Variants in GALNT10 observed in about 807,000 individuals in gnomAD.
GALNT10 encodes GalNAc transferase 10.
GALNT10 carries 41 observed loss-of-function variants against 75.0 expected under a neutral mutation model. The observed-to-expected ratio is 0.55, with a 90% CI of 0.43 to 0.71. The LOEUF (loss-of-function observed/expected upper bound fraction) is 0.71. Among genes scored for constraint, GALNT10 ranks in the 30% least tolerant of loss-of-function variants. GALNT10 has a pLI of 0.00. For missense variants in GALNT10, 727 were observed against 818.5 expected (o/e 0.89, Z 1.36); for synonymous variants, 302 against 313.0 (o/e 0.96, Z 0.37).
At chr5:154,397,645 G>A (rs1756074754) in intron 7 of GALNT10, among the ~76,000 whole-genome samples, 2 of 152,222 alleles carry the variant, frequency 1.3e-5, no homozygotes, top group South Asian at 4.1e-4. Flanking sequence ...AATGATTGGT[G>A]GCAATTATTA....
rs753209176 is a variant in GALNT10 at position 154,409,962 on chromosome 5, T to A, written c.1386+200T>A. ...AGTTAGTGTTCTCAGTGTAGAAAAA[T>A]TAAAACTTTAAGTTATTAGCATGAA... On this transcript the variant is annotated intron_variant, in intron 9 of 11. Coordinates refer to ENST00000297107, the MANE Select transcript of GALNT10 (RefSeq NM_198321.4). This position sits in a 1 kb window ranked among gnomAD's most constrained non-coding sequence, Gnocchi z 4.5. 6.6e-6 allele frequency among the ~76,000 whole-genome samples: 1 copy of A among 152,208 alleles called. No individual in the cohort carries two copies. The highest frequency in any genetic ancestry group is 2.1e-4 in the South Asian group (1 of 4,828).
chr5:154,364,359 G>A (rs1755443236), intron 4 of GALNT10, among the ~76,000 whole-genome samples: 1 of 152,072 alleles, frequency 6.6e-6, no homozygotes, highest in Non-Finnish European at 1.5e-5. Context: ...GAGAGGTGAG[G>A]GATTAGATAC....
In GALNT10 at chr5:154,288,211, T is replaced by C. The variant is rs995113552; in HGVS notation, c.160-6605T>C. ...TGCTGTTTGAGCGCATACAGCCCTT[T>C]CCTTGTTTTGAAGACACTAGCCAGC... On this transcript the variant is annotated intron_variant, in intron 1 of 11. Transcript: ENST00000297107. Among the ~76,000 whole-genome samples, 5 of 152,140 alleles carry C rather than the reference T, an allele frequency of 3.3e-5. No individual in the cohort carries two copies. The East Asian group carries it at 9.6e-4, about 29-fold the overall frequency.
At chr5:154,328,330 G>T (rs181955304) in intron 3 of GALNT10, among the ~76,000 whole-genome samples, 1 of 152,146 alleles carries the variant, frequency 6.6e-6, no homozygotes, top group Non-Finnish European at 1.5e-5. Context: ...TAAGCTTACC[G>T]TGGGGCTGGT....
At position 154,380,614 on chromosome 5, in the gene GALNT10, C is replaced by T. The variant is rs1184926016; in HGVS notation, c.921C>T (p.Asp307=). Residue 307 remains aspartate, a synonymous_variant, in exon 6 of 12, where the codon GAC becomes GAT. Coordinates refer to ENST00000297107, the MANE Select transcript of GALNT10 (RefSeq NM_198321.4). ...TCCCTCCAGAACTGCAGAAAGCTGA[C>T]CCCAGCGACCCATTTGAGTAAGTAT... ...IPIPPELQKA[D]PSDPFESPVM... 1 of 1,612,072 alleles carries T rather than the reference C, an allele frequency of 6.2e-7. No homozygotes were observed. Among genetic ancestry groups the T allele is most frequent in the Admixed American group, 1.7e-5 (1 of 59,920 alleles).
At position 154,237,213 on chromosome 5, in the gene GALNT10, T is replaced by G. The variant is rs185948468; in HGVS notation, c.159+46188T>G. ...ATTGTCGCCCCCTTTGGGCCTCAAT[T>G]TTTTCTCTGCTAAATGGGAGGATTT... On this transcript the variant is annotated intron_variant, in intron 1 of 11. Transcript: ENST00000297107. Among the ~76,000 whole-genome samples the G allele has an allele frequency of 3.6e-3, 554 of 152,228 alleles. 3 individuals carry two copies. Among genetic ancestry groups the G allele is most frequent in the Non-Finnish European group, 4.8e-3 (329 of 68,006 alleles).
At chr5:154,320,896 TGC>T (rs1222146577) in intron 3 of GALNT10, among the ~76,000 whole-genome samples, 1 of 152,236 alleles carries the variant, frequency 6.6e-6, no homozygotes, top group Non-Finnish European at 1.5e-5. Context: ...ATGAGCTCTC[TGC>T]CAGATGCAAC....
intron 3 of GALNT10, among the ~76,000 whole-genome samples, chr5:154,311,930 T>A (rs1754525921): frequency 6.6e-6 from 1 of 152,024 alleles, no homozygotes. Context: ...CGTTTTTAAA[T>A]CTGAATCCTC....
intron 1 of GALNT10, among the ~76,000 whole-genome samples, chr5:154,221,554 T>C (rs1192536420): frequency 6.6e-6 from 1 of 152,208 alleles, no homozygotes; most frequent in Non-Finnish European, 1.5e-5. Context: ...AATTTCACCA[T>C]TATAAGCCTG....
intron 1 of GALNT10, among the ~76,000 whole-genome samples, chr5:154,237,757 T>C (rs1007636512): frequency 7.9e-5 from 12 of 152,140 alleles, no homozygotes; most frequent in Non-Finnish European, 4.4e-5. Flanking sequence ...GGGTTATGGG[T>C]TTGGGGAGCA....
At chr5:154,210,441 C>A (rs1226079452) in intron 1 of GALNT10, among the ~76,000 whole-genome samples, 3 of 152,036 alleles carry the variant, frequency 2.0e-5, no homozygotes, top group Non-Finnish European at 4.4e-5. Flanking sequence ...TCTGCCTCAC[C>A]CTTCTAATGG....
chr5:154,396,851 G>T (rs1480966024), intron 7 of GALNT10, among the ~76,000 whole-genome samples: 2 of 152,250 alleles, frequency 1.3e-5, no homozygotes, highest in Middle Eastern at 3.4e-3. Context: ...ACTAGGCTGG[G>T]CGCGGTGGCT....
At chr5:154,241,222 G>C (rs533003004) in intron 1 of GALNT10, among the ~76,000 whole-genome samples, 5 of 152,310 alleles carry the variant, frequency 3.3e-5, no homozygotes, top group African/African-American at 1.2e-4. Context: ...TTCCTAAGGA[G>C]TATGGGTTTG....
intron 4 of GALNT10, among the ~76,000 whole-genome samples, chr5:154,330,290 G>A (rs1192772868): frequency 6.6e-6 from 1 of 152,230 alleles, no homozygotes; most frequent in Non-Finnish European, 1.5e-5. Flanking sequence ...CCAGATCTCT[G>A]ACATCTGGGC....
chr5:154,322,138 G>T (rs1051437691), intron 3 of GALNT10, among the ~76,000 whole-genome samples: 3 of 152,122 alleles, frequency 2.0e-5, no homozygotes, highest in African/African-American at 7.2e-5. Flanking sequence ...TACATCATGC[G>T]TGGGTCTCAC....
rs1367924604 is a variant in GALNT10, at chr5:154,352,525, G to A, written c.568+22787G>A. On this transcript the variant is annotated intron_variant, in intron 4 of 11. Transcript: ENST00000297107. The surrounding 1 kb of genome is among the most constrained non-coding windows in gnomAD (Gnocchi z 4.4). ...CATGAAAACCCTGCAGCTGGGAGAG[G>A]TTAAGTAATTGGCCCAAGATCGCAC... 6.6e-6 allele frequency among the ~76,000 whole-genome samples: 1 copy of A among 152,178 alleles called. No homozygotes were observed. The highest frequency in any genetic ancestry group is 2.4e-5 in the African/African-American group (1 of 41,450).
intron 1 of GALNT10, among the ~76,000 whole-genome samples, chr5:154,268,651 G>C (rs1232337646): frequency 6.6e-6 from 1 of 152,184 alleles, no homozygotes; most frequent in African/African-American, 2.4e-5. Flanking sequence ...CTTTGGACTT[G>C]CATTCTTATT....
intron 3 of GALNT10, among the ~76,000 whole-genome samples, chr5:154,299,628 A>G (rs1008330865): frequency 5.3e-5 from 8 of 152,110 alleles, no homozygotes; most frequent in African/African-American, 1.9e-4. Flanking sequence ...CATTCCCATA[A>G]CCTCCTTTAG....
At chr5:154,357,051 A>G (rs529516409) in intron 4 of GALNT10, among the ~76,000 whole-genome samples, 56 of 152,338 alleles carry the variant, frequency 3.7e-4, no homozygotes, top group African/African-American at 1.2e-3. Flanking sequence ...ATTCCCGGGT[A>G]TGTTTATAGA....
Sources: allele counts gnomAD v4.1 joint callset (sites outside exome capture counted in the v4.1 genomes callset), GRCh38; gene constraint gnomAD v4.1.1; non-coding constraint Gnocchi (gnomAD v3.1); transcripts MANE v1.5; gene names NCBI Gene and HGNC (gene_info 2026-07-23, HGNC 2026-07-21).